TMTC1: variants seen among roughly 807,000 people sequenced by gnomAD.
TMTC1 encodes the protein protein O-mannosyl-transferase TMTC1.
TMTC1 carries 73 observed loss-of-function variants against 104.8 expected under a neutral mutation model. The observed-to-expected ratio is 0.70, with a 90% CI of 0.58 to 0.85. The LOEUF is 0.85. Ranked by LOEUF, TMTC1 falls within the 40% of genes least tolerant of loss-of-function variation. The probability of loss-of-function intolerance (pLI) is 0.00; values close to 1 mark genes in which losing one functional copy is unlikely to be tolerated. For synonymous variants in TMTC1, 434 were observed against 428.7 expected, an observed-to-expected ratio of 1.01 and a Z score of -0.15; for missense variants, 1,035 against 1,096.1, an observed-to-expected ratio of 0.94 and a Z score of 0.79.
Position 29,514,522 on chromosome 12 carries a change from T to C in TMTC1, c.2390A>G (p.Asn797Ser). 1 of 1,614,112 alleles carries C rather than the reference T, an allele frequency of 6.2e-7. No homozygotes were observed. The highest frequency in any genetic ancestry group is 8.5e-7 in the Non-Finnish European group (1 of 1,180,006). The change falls in exon 16 of 18, where the codon AAC becomes AGC. Residue 797 changes from asparagine (N) to serine (S), a missense_variant. Transcript: ENST00000539277. ...VISELFFTKG[N>S]QLREQNLLDK... ...GAGAAGGTTCTGCTCTCTTAATTGG[T>C]TTCCTTTTGTGAAAAAAAGTTCAGA... is the stretch of plus-strand genomic sequence containing the variant.
chr12:29,636,112 T>C (rs1183110996), intron 5 of TMTC1, among the ~76,000 whole-genome samples: 1 of 152,150 alleles, frequency 6.6e-6, no homozygotes, highest in African/African-American at 2.4e-5. Context: ...CATACACACA[T>C]ATGAAATAAG....
intron 6 of TMTC1, among the ~76,000 whole-genome samples, chr12:29,629,442 A>G (rs1431308985): frequency 6.6e-6 from 1 of 152,170 alleles, no homozygotes; most frequent in African/African-American, 2.4e-5. Flanking sequence ...ATGTCTCCCT[A>G]AAATGTACAA....
At chr12:29,718,487 C>T (rs971705047) in intron 5 of TMTC1, among the ~76,000 whole-genome samples, 2 of 152,196 alleles carry the variant, frequency 1.3e-5, no homozygotes, top group Non-Finnish European at 2.9e-5. Context: ...TTCTGGCCTA[C>T]ATGTGTGAAG....
chr12:29,774,939 A>T (rs1943673965), intron 1 of TMTC1, among the ~76,000 whole-genome samples: 1 of 152,160 alleles, frequency 6.6e-6, no homozygotes, highest in South Asian at 2.1e-4. Context: ...AAGGCATCAC[A>T]TCCTTATCTG....
intron 5 of TMTC1, among the ~76,000 whole-genome samples, chr12:29,689,963 G>A (rs541489434): frequency 7.9e-5 from 12 of 152,152 alleles, no homozygotes; most frequent in Non-Finnish European, 1.5e-4. Flanking sequence ...ACCAAGCCCT[G>A]TTACTTAAAC....
intron 5 of TMTC1, among the ~76,000 whole-genome samples, chr12:29,664,286 A>G (rs1940187982): frequency 6.6e-6 from 1 of 152,110 alleles, no homozygotes; most frequent in Non-Finnish European, 1.5e-5. Context: ...ATTGGTAAAG[A>G]GAGCAGTGGA....
intron 5 of TMTC1, among the ~76,000 whole-genome samples, chr12:29,720,126 T>A (rs1352258954): frequency 6.6e-6 from 1 of 152,176 alleles, no homozygotes; most frequent in Admixed American, 6.5e-5. Context: ...TTTTGTTAGG[T>A]CATAATGCTA....
At chr12:29,636,529 A>G (rs775950005) in intron 5 of TMTC1, among the ~76,000 whole-genome samples, 38 of 152,290 alleles carry the variant, frequency 2.5e-4, no homozygotes, top group Non-Finnish European at 4.7e-4. Flanking sequence ...ACATGTTACC[A>G]AAAGAAAAAT....
chr12:29,576,153 C>T (rs750736193), intron 8 of TMTC1, among the ~76,000 whole-genome samples: 1 of 152,082 alleles, frequency 6.6e-6, no homozygotes, highest in African/African-American at 2.4e-5. Flanking sequence ...GATATTAACC[C>T]CTTATTGGAT....
chr12:29,648,438 A>C (rs909847977), intron 5 of TMTC1, among the ~76,000 whole-genome samples: 1 of 152,112 alleles, frequency 6.6e-6, no homozygotes, highest in Non-Finnish European at 1.5e-5. Flanking sequence ...ATGAGAATCA[A>C]ATTCTAAATT....
At chr12:29,580,973 G>A (rs886332130) in intron 8 of TMTC1, among the ~76,000 whole-genome samples, 7 of 152,144 alleles carry the variant, frequency 4.6e-5, no homozygotes, top group Non-Finnish European at 1.0e-4. Flanking sequence ...TCAAATGCCA[G>A]AAACTGTCCT....
At chr12:29,536,655 G>T (rs1944653365) in intron 10 of TMTC1, among the ~76,000 whole-genome samples, 3 of 152,108 alleles carry the variant, frequency 2.0e-5, no homozygotes, top group Admixed American at 2.0e-4. Flanking sequence ...ACAATTTGGG[G>T]GAAATTGGGT....
At position 29,712,018 on chromosome 12, in the gene TMTC1, A is replaced by G. The variant is rs1292871624; in HGVS notation, c.938+39648T>C. On this transcript the variant is annotated intron_variant, in intron 5 of 17. Coordinates refer to ENST00000539277, the MANE Select transcript of TMTC1 (RefSeq NM_001193451.2). ...CAAGACTCCATCTCAAAAAAAAAAA[A>G]AAAAAAAAAAAAAAAAAGAGCAACC... is the stretch of plus-strand genomic sequence containing the variant. Among the ~76,000 whole-genome samples, 6 of 149,718 alleles carry G rather than the reference A, an allele frequency of 4.0e-5. No individual in the cohort carries two copies. The East Asian group carries it at 1.2e-3, about 29-fold the overall frequency.
At chr12:29,666,262 C>G (rs747653443) in intron 5 of TMTC1, 1 of 386,786 alleles carries the variant, frequency 2.6e-6, no homozygotes, top group South Asian at 1.9e-5. Flanking sequence ...GAGTCTCGCT[C>G]TGTCACCCAG....
chr12:29,680,024 G>A (rs1288203694), intron 5 of TMTC1, among the ~76,000 whole-genome samples: 2 of 152,112 alleles, frequency 1.3e-5, no homozygotes, highest in African/African-American at 4.8e-5. Context: ...TAATCACTTT[G>A]TTTCTGGTAA....
intron 2 of TMTC1, among the ~76,000 whole-genome samples, chr12:29,763,080 G>A (rs568376910): frequency 4.1e-4 from 62 of 152,332 alleles, no homozygotes; most frequent in Non-Finnish European, 8.2e-4. Flanking sequence ...TAGCAAGTTG[G>A]AATGAGGCAA....
chr12:29,599,440 T>C (rs1946495420), intron 7 of TMTC1, among the ~76,000 whole-genome samples: 1 of 152,204 alleles, frequency 6.6e-6, no homozygotes, highest in Non-Finnish European at 1.5e-5. Flanking sequence ...TATCCACAGA[T>C]TTCAAAGTGC....
In TMTC1 at chr12:29,572,105, T is replaced by C. The variant is rs764959545; in HGVS notation, c.1532A>G (p.Lys511Arg). 1 of 1,613,214 alleles carries C rather than the reference T, an allele frequency of 6.2e-7. No homozygotes were observed. Among genetic ancestry groups the C allele is most frequent in the Non-Finnish European group, 8.5e-7 (1 of 1,179,232 alleles). Residue 511 changes from lysine to arginine, a missense_variant and splice_region_variant, in exon 9 of 18, where the codon AAG becomes AGG. Physicochemically the swap from Lys to Arg is conservative, Grantham distance 26. Transcript: ENST00000539277. ...EAIYHYRTAL[K>R]LYPRHASALN... ...AACACCCTCCCTGTGTGGCGCTTAC[T>C]TGAGAGCTGTTCTGTAGTGGTAGAT...
intron 6 of TMTC1, among the ~76,000 whole-genome samples, chr12:29,627,837 G>A (rs543617876): frequency 2.4e-4 from 37 of 152,172 alleles, no homozygotes; most frequent in African/African-American, 8.2e-4. Flanking sequence ...CATAACATTT[G>A]AAAAACAGCA....
Sources: gnomAD v4.1 joint callset for allele counts (sites outside exome capture counted in the v4.1 genomes callset) on GRCh38, gnomAD v4.1.1 for gene constraint, MANE v1.5 for transcripts, NCBI Gene and HGNC (gene_info 2026-07-23, HGNC 2026-07-21) for gene names.